Variants in RBM34 observed in about 807,000 individuals in gnomAD.
The protein encoded by RBM34 is RNA binding motif protein 34.
In RBM34, 39 loss-of-function variants were observed where a neutral mutation model predicts 44.6. That is an observed-to-expected ratio of 0.87 (90% CI 0.68 to 1.14). The LOEUF (loss-of-function observed/expected upper bound fraction) is 1.14. RBM34 is among the 50% of genes most tolerant of loss of function. RBM34 has a pLI of 0.00. For synonymous variants in RBM34, 194 were observed against 184.0 expected (o/e 1.05, Z -0.44); for missense variants, 572 against 517.9 (o/e 1.10, Z -1.01).
At chr1:235,140,523 C>T (rs1233042984) in intron 6 of RBM34, among the ~76,000 whole-genome samples, 11 of 152,238 alleles carry the variant, frequency 7.2e-5, no homozygotes, top group Admixed American at 7.2e-4. Flanking sequence ...CCTTAGCTGC[C>T]TTCCCGCAGG....
intron 6 of RBM34, among the ~76,000 whole-genome samples, chr1:235,138,577 T>TA (rs1447678703): frequency 2.0e-5 from 3 of 152,182 alleles, no homozygotes; most frequent in African/African-American, 7.2e-5. Flanking sequence ...AAACTACGTA[T>TA]AGCTGAGTGA....
chr1:235,143,548 C>T (rs1408958448), intron 6 of RBM34, among the ~76,000 whole-genome samples: 6 of 152,126 alleles, frequency 3.9e-5, no homozygotes, highest in African/African-American at 4.8e-5. Flanking sequence ...CCAGCCTGGC[C>T]AACATGGCAA....
chr1:235,131,963 T>C lies in RBM34; in HGVS notation c.1043A>G (p.Asn348Ser), dbSNP rs758338651. 10 of 1,603,622 alleles carry C rather than the reference T, an allele frequency of 6.2e-6. No individual in the cohort carries two copies. The highest frequency in any genetic ancestry group is 1.7e-4 in the Middle Eastern group (1 of 5,980). The change falls in exon 11 of 11, where the codon AAT becomes AGT. Residue 348 changes from asparagine to serine, a missense_variant. Transcript: ENST00000408888. ...TTTTCTCCCCATGAGTTCAGAATTA[T>C]TTAATTTCAGAGCAAGATGAACAGA... ...TDSVHLALKL[N>S]NSELMGRKLR... is the part of the protein sequence containing the mutation.
intron 6 of RBM34, among the ~76,000 whole-genome samples, chr1:235,143,364 G>T (rs142129073): frequency 2.2e-4 from 34 of 152,352 alleles, no homozygotes; most frequent in Admixed American, 7.2e-4. Flanking sequence ...TTTCTCAAAA[G>T]AAATGATCCG....
Position 235,131,830 on chromosome 1 carries a change from T to A in RBM34, c.1176A>T (p.Lys392Asn), listed in dbSNP as rs750628366. ...KPKQGLNFTS[K>N]TAEGHPKSLF... The stretch of plus-strand genomic sequence containing the variant: ...AGCTTTTAGGATGTCCTTCTGCAGT[T>A]TTGGAAGTAAAATTAAGTCCCTGCT... Residue 392 changes from lysine (K) to asparagine (N), a missense_variant, in exon 11 of 11, where the codon AAA becomes AAT. Physicochemically the swap from Lys to Asn is moderately conservative, Grantham distance 94 (BLOSUM62 0). Coordinates refer to ENST00000408888, the MANE Select transcript of RBM34 (RefSeq NM_015014.4). 16 of 1,614,044 alleles carry A rather than the reference T, an allele frequency of 9.9e-6. No individual in the cohort carries two copies. Among genetic ancestry groups the A allele is most frequent in the Non-Finnish European group, 1.3e-5 (15 of 1,180,024 alleles).
chr1:235,152,413 A>G, intron 5 of RBM34: 1 of 960,594 alleles, frequency 1.0e-6, no homozygotes, highest in East Asian at 6.6e-5. Context: ...AATCAGTATT[A>G]ACTTTTCAGT....
At chr1:235,145,785 C>G (rs1406381269) in intron 6 of RBM34, among the ~76,000 whole-genome samples, 1 of 152,024 alleles carries the variant, frequency 6.6e-6, no homozygotes, top group African/African-American at 2.4e-5. Context: ...TTTACTCCAA[C>G]ATTATTTGTT....
At position 235,152,693 on chromosome 1, in the gene RBM34, G is replaced by A. The variant is rs760637915; in HGVS notation, c.657+13C>T. ...TTTAATATTATGTAATTTTACGGGG[G>A]AATGAAACATACCAGAGAACGAAAT... On this transcript the variant is annotated intron_variant, in intron 5 of 10. Coordinates refer to ENST00000408888, the MANE Select transcript of RBM34 (RefSeq NM_015014.4). 10 of 1,594,426 alleles carry A rather than the reference G, an allele frequency of 6.3e-6. No homozygotes were observed. The highest frequency in any genetic ancestry group is 4.3e-6 in the Non-Finnish European group (5 of 1,170,022).
chr1:235,159,379 G>A (rs1383343566), intron 3 of RBM34, among the ~76,000 whole-genome samples: 1 of 151,530 alleles, frequency 6.6e-6, no homozygotes, highest in Non-Finnish European at 1.5e-5. Flanking sequence ...GTGACACCCC[G>A]TCTCTACTAA....
intron 4 of RBM34, among the ~76,000 whole-genome samples, chr1:235,154,389 T>C (rs754853431): frequency 2.1e-5 from 3 of 144,374 alleles, no homozygotes; most frequent in African/African-American, 2.6e-5. Flanking sequence ...CTGGGCAACA[T>C]AGTCACAAAA....
Position 235,135,705 on chromosome 1 carries a change from C to T in RBM34, c.955G>A (p.Val319Met), listed in dbSNP as rs1661400542. 5 of 1,614,226 alleles carry T rather than the reference C, an allele frequency of 3.1e-6. No homozygotes were observed. Among genetic ancestry groups the T allele is most frequent in the Middle Eastern group, 1.6e-4 (1 of 6,062 alleles). ...CCGATGCCTGTCATTTTGTCTCTCA[C>T]AATCCTCACGGCCATGATACTTCCA... ...DCGSIMAVRIVRDKMTGIGKG... is the reference protein window; with the variant it reads ...DCGSIMAVRIMRDKMTGIGKG... The change falls in exon 10 of 11, where the codon GTG (valine) becomes ATG (methionine). Residue 319 changes from valine (V) to methionine (M), a missense_variant. Coordinates refer to ENST00000408888, the MANE Select transcript of RBM34 (RefSeq NM_015014.4).
At position 235,138,181 on chromosome 1, in the gene RBM34, CAAAA is replaced by C. The variant is rs367780945; in HGVS notation, c.702-11_702-8del. 86 of 1,436,012 alleles carry C rather than the reference CAAAA, an allele frequency of 6.0e-5. No homozygotes were observed. The highest frequency in any genetic ancestry group is 1.9e-4 in the Middle Eastern group (1 of 5,360). The allele number at this position is 1,436,012 out of a possible 1,614,324, so 89.0% of individuals were successfully genotyped here. ...ATCAGGATGAATTTTACGTCTACAC[CAAAA>C]AAAAAAAAAGAAAGAAAGAAAAGAG... is the stretch of plus-strand genomic sequence containing the variant. On this transcript the variant is annotated splice_region_variant and splice_polypyrimidine_tract_variant and intron_variant, in intron 6 of 10. Coordinates refer to ENST00000408888, the MANE Select transcript of RBM34 (RefSeq NM_015014.4).
At chr1:235,140,277 G>A (rs1572147945) in intron 6 of RBM34, among the ~76,000 whole-genome samples, 1 of 152,206 alleles carries the variant, frequency 6.6e-6, no homozygotes, top group Non-Finnish European at 1.5e-5. Flanking sequence ...CTTGCAGGGA[G>A]GTGTGGAGGG....
At chr1:235,145,392 C>T (rs1028189376) in intron 6 of RBM34, among the ~76,000 whole-genome samples, 2 of 151,944 alleles carry the variant, frequency 1.3e-5, no homozygotes, top group South Asian at 2.1e-4. Context: ...ATCCTCCCAC[C>T]TCAGCCCCCA....
intron 6 of RBM34, 87 bp downstream of exon 6, chr1:235,148,317 C>G: frequency 1.0e-6 from 1 of 957,268 alleles, no homozygotes; most frequent in South Asian, 1.8e-5. Context: ...TTAATAAAAT[C>G]TATGCAATTG....
chr1:235,148,086 G>A (rs532954799), intron 6 of RBM34, among the ~76,000 whole-genome samples: 2 of 152,276 alleles, frequency 1.3e-5, no homozygotes, highest in South Asian at 2.1e-4. Flanking sequence ...GAAAAACACA[G>A]GAAATATGGC....
intron 8 of RBM34, among the ~76,000 whole-genome samples, chr1:235,137,403 C>T (rs748616835): frequency 4.6e-5 from 7 of 152,160 alleles, no homozygotes; most frequent in Non-Finnish European, 8.8e-5. Context: ...GAAACAGGGT[C>T]GCCCTCTGTT....
intron 10 of RBM34, among the ~76,000 whole-genome samples, chr1:235,134,483 T>C (rs955590084): frequency 1.3e-5 from 2 of 152,112 alleles, no homozygotes; most frequent in African/African-American, 4.8e-5. Flanking sequence ...TACTCCTTAA[T>C]ATTGTCAGGC....
intron 6 of RBM34, among the ~76,000 whole-genome samples, chr1:235,145,841 A>G (rs919853671): frequency 6.6e-6 from 1 of 152,094 alleles, no homozygotes; most frequent in African/African-American, 2.4e-5. Context: ...GCTACAGTGC[A>G]GTGGTGTGAT....
Sources: gnomAD v4.1 joint callset for allele counts (sites outside exome capture counted in the v4.1 genomes callset) on GRCh38, gnomAD v4.1.1 for gene constraint, MANE v1.5 for transcripts, NCBI Gene and HGNC (gene_info 2026-07-23, HGNC 2026-07-21) for gene names.